AR: variants seen among roughly 807,000 people sequenced by gnomAD.
AR encodes dihydrotestosterone receptor.
A neutral mutation model predicts 53.9 loss-of-function variants in AR; 8 were observed. The observed-to-expected ratio is 0.15, with a 90% CI of 0.09 to 0.27. The LOEUF is 0.27. AR is among the 10% of genes least tolerant of loss of function. The pLI is 1.00. For synonymous variants in AR, 359 were observed against 316.4 expected (o/e 1.13, Z -1.43); for missense variants, 639 against 742.5 (o/e 0.86, Z 1.62).
chrX:67,715,450 C>A (rs772149012), intron 4 of AR, among the ~76,000 whole-genome samples: 1 of 110,733 alleles, frequency 9.0e-6, no homozygotes, highest in African/African-American at 3.3e-5. Context: ...GGCCTAGGAT[C>A]TAAAAGAAAA....
intron 5 of AR, among the ~76,000 whole-genome samples, chrX:67,720,015 C>T (rs1189200603): frequency 1.8e-5 from 2 of 112,100 alleles, no homozygotes; most frequent in African/African-American, 6.5e-5. Flanking sequence ...GCTGTGTGAC[C>T]TTGGGCAAAT....
chrX:67,714,430 A>G (rs1408793560), intron 4 of AR, among the ~76,000 whole-genome samples: 1 of 111,884 alleles, frequency 8.9e-6, no homozygotes, highest in Admixed American at 9.5e-5. Context: ...TTTAGCTACC[A>G]CTTGCCTTGC....
At chrX:67,715,062 C>T (rs1477084963) in intron 4 of AR, among the ~76,000 whole-genome samples, 3 of 111,579 alleles carry the variant, frequency 2.7e-5, no homozygotes, top group East Asian at 5.7e-4. Context: ...GGACAATTTG[C>T]TTGATACCTG....
intron 4 of AR, among the ~76,000 whole-genome samples, chrX:67,714,039 G>C (rs183951860): frequency 5.4e-5 from 6 of 112,125 alleles, no homozygotes; most frequent in African/African-American, 1.9e-4. Flanking sequence ...GATAAATTTT[G>C]TTTTAAGTTT....
At chrX:67,720,289 C>T (rs1440234712) in intron 5 of AR, among the ~76,000 whole-genome samples, 2 of 109,815 alleles carry the variant, frequency 1.8e-5, no homozygotes, top group Admixed American at 9.7e-5. Context: ...TATTTTTCCC[C>T]TTTTCCCCCT....
At position 67,695,064 on chromosome X, in the gene AR, T is replaced by G. The variant is rs1311066207; in HGVS notation, c.1885+8938T>G. 46 of 791,501 alleles carry G rather than the reference T, an allele frequency of 5.8e-5. No individual in the cohort carries two copies. The Admixed American group carries it at 3.5e-3, about 60-fold the overall frequency. The allele number at this position is 791,501 out of a possible 1,213,427, so 65.2% of individuals were successfully genotyped here. A position where few individuals can be genotyped will look rare whatever the true frequency, so the allele number is the denominator to read the frequency against. On this transcript the variant is annotated intron_variant, in intron 3 of 7. Coordinates refer to ENST00000374690, the MANE Select transcript of AR (RefSeq NM_000044.6). ...ATCACATATGATGGGGGCCAGGCAC[T>G]GACTCAGGCGGATGCAGTGAAGCTC...
intron 1 of AR, among the ~76,000 whole-genome samples, chrX:67,550,247 G>T (rs991758954): frequency 2.3e-4 from 26 of 111,723 alleles, no homozygotes; most frequent in Non-Finnish European, 3.6e-4. Flanking sequence ...GGGTCATTTT[G>T]GGGTGCTTTC....
intron 2 of AR, among the ~76,000 whole-genome samples, chrX:67,648,093 C>G (rs771942842): frequency 1.8e-5 from 2 of 111,501 alleles, no homozygotes; most frequent in African/African-American, 3.3e-5. Flanking sequence ...TTTTCCATCT[C>G]TTGGTATCTT....
chrX:67,667,988 A>G (rs936975175), intron 2 of AR, among the ~76,000 whole-genome samples: 6 of 111,783 alleles, frequency 5.4e-5, no homozygotes, highest in African/African-American at 1.9e-4. Context: ...TTTTCCAAAT[A>G]TAAGATCATA....
intron 2 of AR, among the ~76,000 whole-genome samples, chrX:67,643,807 G>C (rs1481942755): frequency 1.8e-5 from 2 of 111,959 alleles, no homozygotes; most frequent in Non-Finnish European, 3.8e-5. Context: ...CTGTTCCTTG[G>C]GATGAATATG....
intron 3 of AR, chrX:67,695,554 G>T: frequency 1.3e-6 from 1 of 751,847 alleles, no homozygotes; most frequent in Non-Finnish European, 1.6e-6. Flanking sequence ...TGATGTCAAA[G>T]AAGAATCACT....
chrX:67,608,911 C>A lies in AR; in HGVS notation c.1617-34345C>A, dbSNP rs904007430. Among the ~76,000 whole-genome samples the A allele has an allele frequency of 2.7e-5, 3 of 111,057 alleles. No individual in the cohort carries two copies. In the East Asian group the frequency reaches 8.4e-4, roughly 31 times the overall value. Reference sequence around the variant, plus strand: ...TTTAATTGCTTCTTGGCATACCCTTCCAATATTGGTGGCTATATAGATTGA... The same window carrying A: ...TTTAATTGCTTCTTGGCATACCCTTACAATATTGGTGGCTATATAGATTGA... On this transcript the variant is annotated intron_variant, in intron 1 of 7. Transcript: ENST00000374690.
At position 67,723,666 on chromosome X, in the gene AR, C is replaced by T. The variant is rs2076782004; in HGVS notation, c.2608-20C>T. On this transcript the variant is annotated intron_variant, in intron 7 of 7. Transcript: ENST00000374690. ...CCTCCTTGTCAACCCTGTTTTTCTC[C>T]CTCTTATTGTTCCCTACAGATTGCG... The T allele has an allele frequency of 8.3e-7, 1 of 1,209,198 alleles. No homozygotes were observed. Among genetic ancestry groups the T allele is most frequent in the Non-Finnish European group, 1.1e-6 (1 of 894,282 alleles).
At chrX:67,671,589 G>A (rs189863028) in intron 2 of AR, among the ~76,000 whole-genome samples, 1 of 111,840 alleles carries the variant, frequency 8.9e-6, no homozygotes, top group Admixed American at 9.5e-5. Flanking sequence ...CTGTGCAGAA[G>A]CTCTTTAGTT....
Position 67,563,636 on chromosome X carries a change from G to A in AR, c.1616+16874G>A, listed in dbSNP as rs1602157725. On this transcript the variant is annotated intron_variant, in intron 1 of 7. Coordinates refer to ENST00000374690, the MANE Select transcript of AR (RefSeq NM_000044.6). ...TTGAGTCTCCAAAATGCTTTGGCTG[G>A]AATGTAAGCGTGAGGTCATTGCAGA... 2.7e-5 allele frequency among the ~76,000 whole-genome samples: 3 copies of A among 111,804 alleles called. No individual in the cohort carries two copies. In the South Asian group the frequency reaches 1.1e-3, roughly 42 times the overall value.
intron 3 of AR, among the ~76,000 whole-genome samples, chrX:67,701,765 T>C (rs1304234440): frequency 9.0e-6 from 1 of 111,621 alleles, no homozygotes; most frequent in African/African-American, 3.3e-5. Context: ...TTTTAATCTG[T>C]CACCATTGGA....
rs1383463882 is a variant in AR, at chrX:67,678,415, CT to C, written c.1769-7593del. On this transcript the variant is annotated intron_variant, in intron 2 of 7. Transcript: ENST00000374690. ...TCAGTATTTGTCTTTCTATGCCTGG[CT>C]TATTTCACTTAGCATAATGTCTTCC... Among the ~76,000 whole-genome samples the C allele has an allele frequency of 3.6e-5, 4 of 111,978 alleles. No homozygotes were observed. The Admixed American group carries it at 3.8e-4, about 11-fold the overall frequency.
In AR at chrX:67,729,018, C is replaced by T. The variant is rs747648307; in HGVS notation, c.*5177C>T. On this transcript the variant is annotated 3_prime_UTR_variant, in exon 8 of 8. Transcript: ENST00000374690. Reference sequence around the variant, plus strand: ...AGCTGTTGGAAGAAGAGAACTGTTCCTTGGTCTTCACCATCCTTGTGAGAG... The same window carrying T: ...AGCTGTTGGAAGAAGAGAACTGTTCTTTGGTCTTCACCATCCTTGTGAGAG... 6.3e-5 allele frequency: 11 copies of T among 173,397 alleles called. No homozygotes were observed. Among genetic ancestry groups the T allele is most frequent in the Non-Finnish European group, 1.1e-4 (10 of 90,916 alleles). The allele number at this position is 173,397 out of a possible 1,213,427, so 14.3% of individuals were successfully genotyped here.
intron 2 of AR, among the ~76,000 whole-genome samples, chrX:67,682,496 G>T (rs755663878): frequency 1.9e-5 from 2 of 108,104 alleles, no homozygotes; most frequent in African/African-American, 6.8e-5. Flanking sequence ...TCACTATGCT[G>T]CCCAGGCTGG....
Sources: allele counts gnomAD v4.1 joint callset (sites outside exome capture counted in the v4.1 genomes callset), GRCh38; gene constraint gnomAD v4.1.1; transcripts MANE v1.5; gene names NCBI Gene and HGNC (gene_info 2026-07-23, HGNC 2026-07-21).